Variants in LOXHD1 observed in about 807,000 individuals in gnomAD.
The protein encoded by LOXHD1 is lipoxygenase homology PLAT domains 1.
LOXHD1 carries 205 observed loss-of-function variants against 248.2 expected under a neutral mutation model. The observed-to-expected ratio is 0.83, with a 90% CI of 0.74 to 0.93. The LOEUF is 0.93. LOXHD1 is among the 40% of genes least tolerant of loss of function. LOXHD1 has a pLI of 0.00. For synonymous variants in LOXHD1, 1,113 were observed against 1,162.8 expected, an observed-to-expected ratio of 0.96 and a Z score of 0.87; for missense variants, 2,930 against 2,971.6, an observed-to-expected ratio of 0.99 and a Z score of 0.33.
At chr18:46,630,465 G>A (rs1320944404) in intron 4 of LOXHD1, among the ~76,000 whole-genome samples, 1 of 152,222 alleles carries the variant, frequency 6.6e-6, no homozygotes, top group South Asian at 2.1e-4. Context: ...CCTTAAACAG[G>A]TCTTGCTCAT....
At chr18:46,604,071 A>G in intron 7 of LOXHD1, 35 bp downstream of exon 7, 2 of 1,551,076 alleles carry the variant, frequency 1.3e-6, no homozygotes, top group African/African-American at 1.4e-5. Context: ...AGAAAGTGAA[A>G]TACCCAAAAG....
intron 12 of LOXHD1, among the ~76,000 whole-genome samples, chr18:46,584,949 T>C (rs747560605): frequency 6.6e-6 from 1 of 152,030 alleles, no homozygotes; most frequent in Non-Finnish European, 1.5e-5. Context: ...ATTAATAGAA[T>C]AAAAAGCAAA....
intron 34 of LOXHD1, among the ~76,000 whole-genome samples, chr18:46,512,652 C>T (rs2035034818): frequency 6.6e-6 from 1 of 152,176 alleles, no homozygotes; most frequent in Admixed American, 6.5e-5. Context: ...CCATGGCCAC[C>T]CTTGCAGCTC....
chr18:46,563,747 C>G (rs76148093), intron 17 of LOXHD1, among the ~76,000 whole-genome samples: 1 of 152,062 alleles, frequency 6.6e-6, no homozygotes, highest in Admixed American at 6.6e-5. Context: ...TTAAATGAGA[C>G]CCCCAAGGGC....
chr18:46,515,913 C>T (rs147032971), intron 34 of LOXHD1, among the ~76,000 whole-genome samples: 2,873 of 152,282 alleles, frequency 0.019, 81 homozygotes, highest in African/African-American at 0.065. Context: ...ACCAGACCGA[C>T]GGACCAAATC....
chr18:46,527,717 C>T (rs1346993011), intron 29 of LOXHD1, among the ~76,000 whole-genome samples: 3 of 152,172 alleles, frequency 2.0e-5, no homozygotes, highest in Non-Finnish European at 4.4e-5. Flanking sequence ...ACTCCTCCTA[C>T]CTACTTTATA....
At chr18:46,502,518 CA>C (rs2034299451) in intron 37 of LOXHD1, among the ~76,000 whole-genome samples, 1 of 152,148 alleles carries the variant, frequency 6.6e-6, no homozygotes, top group Non-Finnish European at 1.5e-5. Context: ...TCTTGTCAAG[CA>C]TCTGGATGTT....
intron 4 of LOXHD1, among the ~76,000 whole-genome samples, chr18:46,639,070 G>A (rs1453541638): frequency 2.0e-5 from 3 of 152,144 alleles, no homozygotes; most frequent in Non-Finnish European, 2.9e-5. Flanking sequence ...CATTATTCCC[G>A]TAAAATTAAA....
At chr18:46,574,399 A>ACACACACACACACC (rs1280121036) in intron 14 of LOXHD1, among the ~76,000 whole-genome samples, 1 of 150,112 alleles carries the variant, frequency 6.7e-6, no homozygotes, top group Admixed American at 6.6e-5. Flanking sequence ...ACACACACAC[A>ACACACACACACACC]CACACACACA....
chr18:46,528,832 C>T (rs1479098280), intron 29 of LOXHD1, among the ~76,000 whole-genome samples: 1 of 152,226 alleles, frequency 6.6e-6, no homozygotes, highest in Non-Finnish European at 1.5e-5. Flanking sequence ...TGCCATTCTG[C>T]AGTGTTCACC....
At chr18:46,624,252 C>T (rs2038708350) in intron 4 of LOXHD1, among the ~76,000 whole-genome samples, 1 of 152,166 alleles carries the variant, frequency 6.6e-6, no homozygotes, top group Admixed American at 6.5e-5. Context: ...AGAGCCAAGA[C>T]GCTAGAAGTG....
At chr18:46,582,389 G>A (rs565300513) in intron 12 of LOXHD1, among the ~76,000 whole-genome samples, 2 of 151,678 alleles carry the variant, frequency 1.3e-5, no homozygotes, top group African/African-American at 2.4e-5. Context: ...GTAATTTTCT[G>A]GGCAACCACT....
intron 4 of LOXHD1, among the ~76,000 whole-genome samples, chr18:46,626,869 C>T (rs936184308): frequency 2.0e-5 from 3 of 151,996 alleles, no homozygotes; most frequent in Non-Finnish European, 4.4e-5. Flanking sequence ...TCCCTTGCAG[C>T]GTTGTGAAAA....
rs114644619 is a variant in LOXHD1, at chr18:46,604,959, T to C, written c.760-730A>G. Among the ~76,000 whole-genome samples the C allele has an allele frequency of 7.2e-3, 1,100 of 152,334 alleles. 9 individuals carry two copies. The highest frequency in any genetic ancestry group is 0.026 in the African/African-American group (1,065 of 41,574). On this transcript the variant is annotated intron_variant, in intron 6 of 40. Coordinates refer to ENST00000642948, the MANE Select transcript of LOXHD1 (RefSeq NM_001384474.1). ...GAGGATAACCTTTTTACTGTCAACA[T>C]GTATCTCATAACATCATGTTATATA... is the stretch of plus-strand genomic sequence containing the variant.
Position 46,541,824 on chromosome 18 carries a change from T to A in LOXHD1, c.3865A>T (p.Ile1289Phe), listed in dbSNP as rs548597036. 1.9e-6 allele frequency: 3 copies of A among 1,551,572 alleles called. No homozygotes were observed. Among genetic ancestry groups the A allele is most frequent in the South Asian group, 2.4e-5 (2 of 84,064 alleles). The change falls in exon 25 of 41, where the codon ATC (isoleucine) becomes TTC (phenylalanine). Residue 1289 changes from isoleucine (I) to phenylalanine (F), a missense_variant. Ile to Phe is a conservative substitution (Grantham distance 21, BLOSUM62 0). Transcript: ENST00000642948. Reference sequence around the variant, plus strand: ...AGCTCTGCATGGAAGAGGTCTCTGATGATGGACCCGTCGTCTTCGTTTTTG... The same window carrying A: ...AGCTCTGCATGGAAGAGGTCTCTGAAGATGGACCCGTCGTCTTCGTTTTTG... Reference protein sequence around the residue: ...LAKNEDDGSIIRDLFHAELQT... With the variant: ...LAKNEDDGSIFRDLFHAELQT...
intron 17 of LOXHD1, among the ~76,000 whole-genome samples, chr18:46,564,980 G>T (rs1462799854): frequency 6.6e-6 from 1 of 152,162 alleles, no homozygotes; most frequent in African/African-American, 2.4e-5. Context: ...ATGCAGAGGT[G>T]AGGCCAGTCG....
intron 21 of LOXHD1, chr18:46,555,404 G>A (rs1338200230): frequency 7.3e-6 from 2 of 274,468 alleles, no homozygotes; most frequent in Non-Finnish European, 1.5e-5. Flanking sequence ...GTCTTTATGT[G>A]GTTTCACAAT....
chr18:46,586,254 G>T (rs943294070), intron 12 of LOXHD1, among the ~76,000 whole-genome samples: 1 of 152,160 alleles, frequency 6.6e-6, no homozygotes, highest in Non-Finnish European at 1.5e-5. Context: ...GGTAAAGTGG[G>T]GAAATGGGAA....
At chr18:46,549,591 C>T (rs762065320) in intron 21 of LOXHD1, among the ~76,000 whole-genome samples, 23 of 152,148 alleles carry the variant, frequency 1.5e-4, no homozygotes, top group Non-Finnish European at 2.6e-4. Context: ...GGTGAGATGA[C>T]CTGGAAGGTC....
Sources: allele counts gnomAD v4.1 joint callset (sites outside exome capture counted in the v4.1 genomes callset), GRCh38; gene constraint gnomAD v4.1.1; transcripts MANE v1.5; gene names NCBI Gene and HGNC (gene_info 2026-07-23, HGNC 2026-07-21).